Variants in PCNX3 observed in about 807,000 individuals in gnomAD.
The protein encoded by PCNX3 is pecanex-like protein 3.
A neutral mutation model predicts 207.2 loss-of-function variants in PCNX3; 58 were observed. The ratio of observed to expected loss-of-function variants is 0.28; its 90% CI spans 0.23 to 0.35. The LOEUF is 0.35. Among genes scored for constraint, PCNX3 ranks in the 10% least tolerant of loss-of-function variants. The pLI, the probability that PCNX3 is intolerant of heterozygous loss-of-function variation, is 1.00. For missense variants in PCNX3, 2,410 were observed against 2,774.4 expected (o/e 0.87, Z 2.95); for synonymous variants, 1,337 against 1,183.5 (o/e 1.13, Z -2.66).
chr11:65,634,438 T>C, intron 28 of PCNX3, 82 bp downstream of exon 28: 1 of 1,508,558 alleles, frequency 6.6e-7, no homozygotes, highest in Non-Finnish European at 8.9e-7. Context: ...TTTGGTTTCC[T>C]CTCACTCTGA....
At chr11:65,616,707 G>A in intron 1 of PCNX3, 117 bp from the exon 2 acceptor site, 1 of 1,178,536 alleles carries the variant, frequency 8.5e-7, no homozygotes. Flanking sequence ...CTGGTTGTGT[G>A]GAGAGGTGAT....
At position 65,624,247 on chromosome 11, in the gene PCNX3, G is replaced by C. The variant is rs933006121; in HGVS notation, c.2597G>C (p.Cys866Ser). 3 of 1,607,362 alleles carry C rather than the reference G, an allele frequency of 1.9e-6. No individual in the cohort carries two copies. In the African/African-American group the frequency reaches 4.0e-5, roughly 21 times the overall value. The change falls in exon 14 of 35, where the codon TGT becomes TCT. Residue 866 changes from cysteine to serine, a missense_variant. Cys to Ser is a moderately radical substitution (Grantham distance 112). Transcript: ENST00000355703. ...YSRPVYFCIC[C>S]LLIWLLDALG... The stretch of plus-strand genomic sequence containing the variant: ...CGTCCTGTCTACTTCTGCATCTGCT[G>C]TCTGCTCATCTGGCTGCTGGACGCC...
rs1338512907 is a variant in PCNX3, at chr11:65,620,815, G to T, written c.2100-16G>T. 19 of 1,593,106 alleles carry T rather than the reference G, an allele frequency of 1.2e-5. No homozygotes were observed. In the Admixed American group the frequency reaches 3.3e-4, roughly 27 times the overall value. ...GCTCGCCCGTGGGGGGATCCTGATG[G>T]CTGCTGTTCTCACAGGGACCGACAC... On this transcript the variant is annotated splice_polypyrimidine_tract_variant and intron_variant, in intron 9 of 34. Coordinates refer to ENST00000355703, the MANE Select transcript of PCNX3 (RefSeq NM_032223.4).
At chr11:65,626,504 G>T (rs1302774678) in intron 20 of PCNX3, 6 of 397,948 alleles carry the variant, frequency 1.5e-5, no homozygotes, top group Non-Finnish European at 2.4e-5. Flanking sequence ...TTTCTTAAAC[G>T]ACAGAAGATT....
intron 27 of PCNX3, 183 bp from the exon 28 acceptor site, chr11:65,633,943 C>T (rs1176377851): frequency 2.3e-5 from 14 of 619,492 alleles, no homozygotes; most frequent in Non-Finnish European, 3.7e-5. Context: ...TCACTCCTCC[C>T]TGGTCTAGGG....
In PCNX3 at chr11:65,625,062, T is replaced by G; in HGVS notation, c.2919+46T>G. 6.3e-7 allele frequency: 1 copy of G among 1,585,792 alleles called. No homozygotes were observed. Among genetic ancestry groups the G allele is most frequent in the Non-Finnish European group, 8.6e-7 (1 of 1,161,960 alleles). On this transcript the variant is annotated intron_variant, in intron 16 of 34. Transcript: ENST00000355703. This position sits in a 1 kb window ranked among gnomAD's most constrained non-coding sequence, Gnocchi z 5.6. The stretch of plus-strand genomic sequence containing the variant: ...GGGGGCATGCTGCAGTGCGTAAGGG[T>G]GGTTGGGGCGGGGCTGTGAACTGGG...
intron 9 of PCNX3, 118 bp downstream of exon 9, chr11:65,620,547 C>A (rs1351380687): frequency 1.7e-6 from 2 of 1,154,218 alleles, no homozygotes; most frequent in African/African-American, 3.1e-5. Context: ...CAGCTCAGAT[C>A]TGCAGGGAGA....
At chr11:65,622,216 T>C (rs766457192) in intron 10 of PCNX3, 29 bp from the exon 11 acceptor site, 3 of 1,592,228 alleles carry the variant, frequency 1.9e-6, no homozygotes, top group South Asian at 2.3e-5. Context: ...TTTGACCTGC[T>C]GGACCAGGAC....
intron 26 of PCNX3, 82 bp downstream of exon 26, chr11:65,629,817 A>T (rs1283100342): frequency 7.0e-7 from 1 of 1,438,134 alleles, no homozygotes. Flanking sequence ...CGTGCGAAGG[A>T]GGTCCAGTCC....
intron 15 of PCNX3, 54 bp downstream of exon 15, chr11:65,624,635 G>A (rs1855284884): frequency 2.0e-6 from 3 of 1,469,472 alleles, no homozygotes; most frequent in Non-Finnish European, 2.8e-6. Context: ...GCCCAGGAGG[G>A]CCCTCGGATT....
rs1187727225 is a variant in PCNX3 at position 65,616,248 on chromosome 11, A to G, written c.-64A>G. 4 of 1,356,790 alleles carry G rather than the reference A, an allele frequency of 2.9e-6. No homozygotes were observed. Among genetic ancestry groups the G allele is most frequent in the South Asian group, 1.5e-5 (1 of 67,480 alleles). The allele number at this position is 1,356,790 out of a possible 1,614,324, so 84.0% of individuals were successfully genotyped here. A position where few individuals can be genotyped will look rare whatever the true frequency, so the allele number is the denominator to read the frequency against. On this transcript the variant is annotated 5_prime_UTR_variant, in exon 1 of 35. The change abolishes an upstream ATG in the 5' untranslated region. Coordinates refer to ENST00000355703, the MANE Select transcript of PCNX3 (RefSeq NM_032223.4). ...GGGGCCCTCAGGCGCCAGACGGGGC[A>G]TGGGCCGGGGGCCGCCCCCATGAGG...
At chr11:65,636,146 G>A (rs1206279956) in intron 32 of PCNX3, 28 bp from the exon 33 acceptor site, 1 of 1,585,358 alleles carries the variant, frequency 6.3e-7, no homozygotes. Context: ...TGTCCCTCCT[G>A]ATCCCTTTTC....
intron 27 of PCNX3, among the ~76,000 whole-genome samples, chr11:65,632,205 A>G (rs60378774): frequency 0.067 from 10,204 of 152,060 alleles, 913 homozygotes; most frequent in Admixed American, 0.19. Flanking sequence ...AAGGCTGGGC[A>G]GAATTTGAGT....
intron 3 of PCNX3, 43 bp downstream of exon 3, chr11:65,617,392 G>T: frequency 1.2e-6 from 2 of 1,613,354 alleles, no homozygotes; most frequent in African/African-American, 1.3e-5. Flanking sequence ...GTCCCTCTGC[G>T]AGCCAGTCCC....
intron 1 of PCNX3, 135 bp from the exon 2 acceptor site, chr11:65,616,689 T>C: frequency 1.9e-6 from 2 of 1,065,422 alleles, no homozygotes; most frequent in Non-Finnish European, 2.7e-6. Flanking sequence ...TTTGTCGAGG[T>C]CTGTGTACTG....
intron 20 of PCNX3, 122 bp downstream of exon 20, chr11:65,626,176 C>G: frequency 7.6e-7 from 1 of 1,319,490 alleles, no homozygotes; most frequent in Non-Finnish European, 1.1e-6. Flanking sequence ...CCACACTACC[C>G]TTTCTGCTCC....
intron 27 of PCNX3, 22 bp downstream of exon 27, chr11:65,630,626 G>T: frequency 6.3e-7 from 1 of 1,598,014 alleles, no homozygotes; most frequent in South Asian, 1.1e-5. Flanking sequence ...AGGTGTGGCC[G>T]GGCAGCAGGG....
chr11:65,636,082 A>G lies in PCNX3; in HGVS notation c.5460-92A>G. ...GGATCCTGGGGCTCAGAGGTGTTAG[A>G]TGACTTGTCCTGGGGCTGAGGACTC... On this transcript the variant is annotated intron_variant, in intron 32 of 34. Transcript: ENST00000355703. 5 of 1,510,426 alleles carry G rather than the reference A, an allele frequency of 3.3e-6. No individual in the cohort carries two copies. The South Asian group carries it at 3.6e-5, about 11-fold the overall frequency. 93.6% of individuals were successfully genotyped at this position (1,510,426 alleles called of 1,614,324 possible).
In PCNX3 at chr11:65,622,308, C is replaced by T; in HGVS notation, c.2299C>T (p.Pro767Ser). ...GCATAGTTACAAGTACTGGCTTCTC[C>T]CTGGCCGCTGGACCTCTGTGCGCTA... is the stretch of plus-strand genomic sequence containing the variant. ...AQHSYKYWLL[P>S]GRWTSVRYER... Residue 767 changes from proline to serine, a missense_variant, in exon 11 of 35, where the codon CCT (proline) becomes TCT (serine). By Grantham distance (74) the Pro-to-Ser change is moderately conservative. This residue lies in a region of PCNX3 where 177 missense variants were observed against 257.5 expected (regional missense o/e 0.69). Coordinates refer to ENST00000355703, the MANE Select transcript of PCNX3 (RefSeq NM_032223.4). 1 of 1,597,534 alleles carries T rather than the reference C, an allele frequency of 6.3e-7. No individual in the cohort carries two copies.
Sources: gnomAD v4.1 joint callset for allele counts (sites outside exome capture counted in the v4.1 genomes callset) on GRCh38, gnomAD v4.1.1 for gene constraint, gnomAD v4.1.1 regional missense constraint, Gnocchi (gnomAD v3.1) non-coding constraint, MANE v1.5 for transcripts, NCBI Gene and HGNC (gene_info 2026-07-23, HGNC 2026-07-21) for gene names.